Variants in CRPPA observed in about 807,000 individuals in gnomAD.
The protein encoded by CRPPA is D-ribitol-5-phosphate cytidylyltransferase.
Under a neutral mutation model 52.0 loss-of-function variants are expected in CRPPA, and 43 were observed. The observed-to-expected ratio is 0.83, with a 90% CI of 0.65 to 1.07. CRPPA has a LOEUF of 1.07. Ranked by LOEUF, CRPPA falls within the 50% of genes least tolerant of loss-of-function variation. The probability of loss-of-function intolerance (pLI) is 0.00; values close to 1 mark genes in which losing one functional copy is unlikely to be tolerated. For missense variants in CRPPA, 629 were observed against 551.7 expected (o/e 1.14, Z -1.40); for synonymous variants, 250 against 203.5 (o/e 1.23, Z -1.94).
chr7:16,301,014 A>G (rs1012788344), intron 5 of CRPPA, among the ~76,000 whole-genome samples: 2 of 152,212 alleles, frequency 1.3e-5, no homozygotes, highest in African/African-American at 4.8e-5. Context: ...TTCTCCAGTT[A>G]GGAAAAACAA....
intron 2 of CRPPA, among the ~76,000 whole-genome samples, chr7:16,387,891 T>C (rs1051939333): frequency 1.6e-4 from 25 of 152,294 alleles, no homozygotes; most frequent in African/African-American, 4.6e-4. Flanking sequence ...TGCTGGACCA[T>C]AAAACAAGTT....
intron 2 of CRPPA, among the ~76,000 whole-genome samples, chr7:16,392,776 G>A (rs1375241037): frequency 6.6e-6 from 1 of 152,006 alleles, no homozygotes; most frequent in Non-Finnish European, 1.5e-5. Context: ...GAATTACGTA[G>A]TTTAAATAAA....
intron 9 of CRPPA, among the ~76,000 whole-genome samples, chr7:16,162,961 C>T (rs1204482099): frequency 5.6e-5 from 8 of 143,384 alleles, no homozygotes; most frequent in African/African-American, 7.6e-5. Flanking sequence ...TTTTCTTTTT[C>T]TTTTTCTTTC....
intron 9 of CRPPA, among the ~76,000 whole-genome samples, chr7:16,092,213 A>T (rs1453108400): frequency 6.6e-6 from 1 of 152,096 alleles, no homozygotes. Flanking sequence ...AGGGGGGAAA[A>T]CCCTGCTTGC....
chr7:16,126,791 G>A (rs1042315914), intron 9 of CRPPA, among the ~76,000 whole-genome samples: 1 of 152,050 alleles, frequency 6.6e-6, no homozygotes, highest in African/African-American at 2.4e-5. Flanking sequence ...ACAGATACAA[G>A]AGTTCCAAAA....
chr7:16,131,989 A>G (rs1282205959), intron 9 of CRPPA, among the ~76,000 whole-genome samples: 1 of 152,162 alleles, frequency 6.6e-6, no homozygotes, highest in Non-Finnish European at 1.5e-5. Flanking sequence ...GTGAACCACT[A>G]TAGGGGAAGA....
intron 9 of CRPPA, among the ~76,000 whole-genome samples, chr7:16,181,082 T>A (rs1406935959): frequency 1.3e-5 from 2 of 152,112 alleles, no homozygotes; most frequent in Non-Finnish European, 2.9e-5. Flanking sequence ...AAATTGATAA[T>A]ATTTTTTCCT....
At chr7:16,224,984 G>A (rs1782611195) in intron 8 of CRPPA, among the ~76,000 whole-genome samples, 1 of 152,068 alleles carries the variant, frequency 6.6e-6, no homozygotes, top group Non-Finnish European at 1.5e-5. Flanking sequence ...CAAAGCAAAT[G>A]TTTAGCAAGT....
intron 9 of CRPPA, among the ~76,000 whole-genome samples, chr7:16,097,588 GT>G (rs1256035936): frequency 6.6e-6 from 1 of 152,104 alleles, no homozygotes; most frequent in Non-Finnish European, 1.5e-5. Flanking sequence ...TAATGAAGTC[GT>G]GTCAATAAAG....
intron 5 of CRPPA, among the ~76,000 whole-genome samples, chr7:16,284,994 C>A (rs1418477896): frequency 6.6e-6 from 1 of 152,220 alleles, no homozygotes; most frequent in South Asian, 2.1e-4. Flanking sequence ...AGAAAAGGCA[C>A]ACAAAATATT....
At chr7:16,232,690 T>C (rs1562573818) in intron 8 of CRPPA, among the ~76,000 whole-genome samples, 1 of 151,784 alleles carries the variant, frequency 6.6e-6, no homozygotes, top group Non-Finnish European at 1.5e-5. Flanking sequence ...CTAGTCCTGC[T>C]GAAAGATCAA....
chr7:16,171,650 G>T lies in CRPPA; in HGVS notation c.1251+44416C>A, dbSNP rs1781189922. Among the ~76,000 whole-genome samples, 6 of 152,194 alleles carry T rather than the reference G, an allele frequency of 3.9e-5. 1 individual carries two copies. In the South Asian group the frequency reaches 1.2e-3, roughly 32 times the overall value. ...AAAAAACAAAAAACAAAAATTAGCT[G>T]GGCATGGTGGCGGGTGCCTGTAGTC... On this transcript the variant is annotated intron_variant, in intron 9 of 9. Transcript: ENST00000407010.
intron 9 of CRPPA, among the ~76,000 whole-genome samples, chr7:16,146,422 A>T (rs879283429): frequency 2.6e-5 from 4 of 152,176 alleles, no homozygotes; most frequent in Non-Finnish European, 5.9e-5. Context: ...TAGCAAGATA[A>T]AAACAAATGA....
At chr7:16,269,411 G>C (rs1784035395) in intron 6 of CRPPA, 2 of 152,244 alleles carry the variant, frequency 1.3e-5, no homozygotes, top group East Asian at 1.9e-4. Context: ...GAGTGCAAAA[G>C]AGGTAGAAGA....
chr7:16,095,876 G>A (rs1184035893), intron 9 of CRPPA, among the ~76,000 whole-genome samples: 1 of 152,148 alleles, frequency 6.6e-6, no homozygotes, highest in Non-Finnish European at 1.5e-5. Context: ...AACTGTGCAT[G>A]CCCAAGGAGA....
intron 1 of CRPPA, among the ~76,000 whole-genome samples, chr7:16,415,790 T>C (rs572094343): frequency 2.1e-4 from 32 of 152,282 alleles, no homozygotes; most frequent in African/African-American, 7.5e-4. Flanking sequence ...TTAGCTCCTT[T>C]AGATGGGTCA....
At chr7:16,115,654 C>G (rs944147949) in intron 9 of CRPPA, among the ~76,000 whole-genome samples, 3 of 152,036 alleles carry the variant, frequency 2.0e-5, no homozygotes, top group Non-Finnish European at 2.9e-5. Flanking sequence ...CATTTCAAGC[C>G]TGAATGAAGA....
intron 5 of CRPPA, among the ~76,000 whole-genome samples, chr7:16,289,083 G>C (rs967083387): frequency 1.3e-5 from 2 of 151,970 alleles, no homozygotes; most frequent in Admixed American, 1.3e-4. Context: ...ACAACTATAT[G>C]CTGATAAATT....
intron 3 of CRPPA, among the ~76,000 whole-genome samples, chr7:16,346,394 G>A (rs548895180): frequency 4.6e-5 from 7 of 152,206 alleles, no homozygotes; most frequent in African/African-American, 1.7e-4. Flanking sequence ...TTAAGCCAGA[G>A]GATAAGGAAA....
Sources: allele counts gnomAD v4.1 joint callset (sites outside exome capture counted in the v4.1 genomes callset), GRCh38; gene constraint gnomAD v4.1.1; transcripts MANE v1.5; gene names NCBI Gene and HGNC (gene_info 2026-07-23, HGNC 2026-07-21).